ACYP2: variants seen among roughly 807,000 people sequenced by gnomAD.
ACYP2 encodes the protein acylphosphatase-2.
Under a neutral mutation model 11.2 loss-of-function variants are expected in ACYP2, and 12 were observed. The ratio of observed to expected loss-of-function variants is 1.08; its 90% CI spans 0.69 to 1.74. The LOEUF is 1.74. Ranked by LOEUF, ACYP2 falls within the 40% of genes most tolerant of loss-of-function variation. The pLI, the probability that ACYP2 is intolerant of heterozygous loss-of-function variation, is 0.00. For synonymous variants in ACYP2, 43 were observed against 32.2 expected (o/e 1.33, Z -1.13); for missense variants, 134 against 101.9 (o/e 1.31, Z -1.35).
intron 4 of ACYP2, among the ~76,000 whole-genome samples, chr2:54,076,360 T>G (rs543778814): frequency 3.1e-4 from 47 of 152,198 alleles, no homozygotes; most frequent in Non-Finnish European, 5.9e-4. Context: ...AAAAATAGCA[T>G]ATCTAGTCTG....
intron 6 of ACYP2, among the ~76,000 whole-genome samples, chr2:54,238,971 T>G (rs566290636): frequency 6.6e-6 from 1 of 151,588 alleles, no homozygotes; most frequent in East Asian, 2.0e-4. Flanking sequence ...AGGACTCATA[T>G]AGACCCATCA....
At chr2:54,097,701 G>C (rs1678665952) in intron 4 of ACYP2, among the ~76,000 whole-genome samples, 1 of 151,386 alleles carries the variant, frequency 6.6e-6, no homozygotes, top group Non-Finnish European at 1.5e-5. Context: ...GGGGAGGAAG[G>C]GGTGGTTTTG....
intron 6 of ACYP2, among the ~76,000 whole-genome samples, chr2:54,160,534 TC>T (rs1682666136): frequency 6.6e-6 from 1 of 152,234 alleles, no homozygotes; most frequent in African/African-American, 2.4e-5. Flanking sequence ...TTCTTTGAAT[TC>T]CCAGTGCCTT....
chr2:54,200,284 C>A (rs1364221071), intron 6 of ACYP2, among the ~76,000 whole-genome samples: 1 of 152,088 alleles, frequency 6.6e-6, no homozygotes, highest in Non-Finnish European at 1.5e-5. Flanking sequence ...TACATATATA[C>A]ATGTGCATAT....
At chr2:54,172,846 T>C (rs1683274483) in intron 6 of ACYP2, among the ~76,000 whole-genome samples, 1 of 152,202 alleles carries the variant, frequency 6.6e-6, no homozygotes, top group African/African-American at 2.4e-5. Flanking sequence ...GTTTCCCAGC[T>C]TCATCCATGT....
At chr2:54,100,496 A>C (rs1245937040) in intron 4 of ACYP2, among the ~76,000 whole-genome samples, 1 of 151,422 alleles carries the variant, frequency 6.6e-6, no homozygotes, top group East Asian at 1.9e-4. Context: ...TTTTTTAGAG[A>C]TATGGTCTCC....
At chr2:54,300,919 C>G (rs1178455002) in intron 6 of ACYP2, among the ~76,000 whole-genome samples, 1 of 152,134 alleles carries the variant, frequency 6.6e-6, no homozygotes, top group Non-Finnish European at 1.5e-5. Flanking sequence ...GTGGCTTATT[C>G]TTGCTTTATT....
chr2:54,197,639 C>A (rs1404242228), intron 6 of ACYP2, among the ~76,000 whole-genome samples: 1 of 152,028 alleles, frequency 6.6e-6, no homozygotes, highest in Non-Finnish European at 1.5e-5. Context: ...GCCAGTCATA[C>A]AAAGATCTAG....
chr2:54,063,467 C>G (rs1676574245), intron 4 of ACYP2, among the ~76,000 whole-genome samples: 1 of 152,172 alleles, frequency 6.6e-6, no homozygotes, highest in Non-Finnish European at 1.5e-5. Flanking sequence ...TCTGCATCAA[C>G]AAGCAACCTG....
chr2:54,014,720 T>A (rs1231399624), intron 2 of ACYP2, among the ~76,000 whole-genome samples: 2 of 152,040 alleles, frequency 1.3e-5, no homozygotes, highest in African/African-American at 4.8e-5. Flanking sequence ...AATAATAAAT[T>A]TGTAAAAAAA....
intron 6 of ACYP2, among the ~76,000 whole-genome samples, chr2:54,270,815 C>T (rs887038069): frequency 2.0e-5 from 3 of 152,160 alleles, no homozygotes; most frequent in African/African-American, 7.2e-5. Context: ...TCATAAGTCA[C>T]ACTTTCTTTG....
chr2:54,055,962 T>C (rs956902922), intron 3 of ACYP2, among the ~76,000 whole-genome samples: 10 of 152,178 alleles, frequency 6.6e-5, no homozygotes, highest in African/African-American at 2.4e-4. Flanking sequence ...AGTACCCCCA[T>C]AGGCATACTG....
rs370099509 is a variant in ACYP2 at position 54,041,238 on chromosome 2, C to T, written c.63-9720C>T. 5.3e-5 allele frequency among the ~76,000 whole-genome samples: 8 copies of T among 152,234 alleles called. No individual in the cohort carries two copies. The East Asian group carries it at 1.2e-3, about 22-fold the overall frequency. ...CTGGGATTACAGGCATGAGCCATCA[C>T]GCCCGGCCAGCGGTGGCCTTTTCTA... is the stretch of plus-strand genomic sequence containing the variant. On this transcript the variant is annotated intron_variant, in intron 2 of 6. Transcript: ENST00000607452.
intron 6 of ACYP2, among the ~76,000 whole-genome samples, chr2:54,269,702 A>T (rs912899490): frequency 6.6e-6 from 1 of 152,186 alleles, no homozygotes; most frequent in Non-Finnish European, 1.5e-5. Context: ...TCTCATCTCT[A>T]TGTTGAAAAA....
At chr2:54,176,872 A>G (rs765255609) in intron 6 of ACYP2, among the ~76,000 whole-genome samples, 2 of 152,302 alleles carry the variant, frequency 1.3e-5, no homozygotes, top group East Asian at 3.9e-4. Context: ...TCCTAGCTCT[A>G]GAGCTCGATG....
chr2:54,071,088 C>G (rs1205605304), intron 4 of ACYP2, among the ~76,000 whole-genome samples: 3 of 152,114 alleles, frequency 2.0e-5, no homozygotes, highest in African/African-American at 4.8e-5. Context: ...TCCAAACACC[C>G]TTTCATGATA....
At position 54,115,498 on chromosome 2, in the gene ACYP2, C is replaced by A. The variant is rs533670999; in HGVS notation, c.278-19955C>A. On this transcript the variant is annotated intron_variant, in intron 4 of 6. Coordinates refer to ENST00000607452, the MANE Select transcript of ACYP2 (RefSeq NM_001320586.2). The stretch of plus-strand genomic sequence containing the variant: ...GGCCCAGCGGCCTCTTCCCTCCTGG[C>A]GTCCCCGGCTGCCCTCGCTCCCAGG... 3.2e-4 allele frequency: 448 copies of A among 1,411,126 alleles called. No individual in the cohort carries two copies. In the African/African-American group the frequency reaches 5.9e-3, roughly 19 times the overall value. 87.4% of individuals were successfully genotyped at this position (1,411,126 alleles called of 1,614,324 possible).
chr2:54,162,773 C>T (rs932360770), intron 6 of ACYP2, among the ~76,000 whole-genome samples: 1 of 152,090 alleles, frequency 6.6e-6, no homozygotes, highest in Non-Finnish European at 1.5e-5. Flanking sequence ...GGAGACCAGC[C>T]TGGGCAACAT....
chr2:54,114,306 T>C (rs1679617198), intron 4 of ACYP2, among the ~76,000 whole-genome samples: 1 of 145,770 alleles, frequency 6.9e-6, no homozygotes, highest in Admixed American at 7.0e-5. Context: ...AACTTGGTAA[T>C]AGCTCACCAG....
Sources: allele counts gnomAD v4.1 joint callset (sites outside exome capture counted in the v4.1 genomes callset), GRCh38; gene constraint gnomAD v4.1.1; transcripts MANE v1.5; gene names NCBI Gene and HGNC (gene_info 2026-07-23, HGNC 2026-07-21).